Variants in MARCHF1 observed in about 807,000 individuals in gnomAD.
The protein encoded by MARCHF1 is membrane associated ring-CH-type finger 1.
A neutral mutation model predicts 54.2 loss-of-function variants in MARCHF1; 40 were observed. The observed-to-expected ratio is 0.74, with a 90% CI of 0.57 to 0.96. MARCHF1 has a LOEUF of 0.96. Ranked by LOEUF, MARCHF1 falls within the 40% of genes least tolerant of loss-of-function variation. The pLI, the probability that MARCHF1 is intolerant of heterozygous loss-of-function variation, is 0.00. For missense variants in MARCHF1, 586 were observed against 656.5 expected, an observed-to-expected ratio of 0.89 and a Z score of 1.17; for synonymous variants, 236 against 236.3, an observed-to-expected ratio of 1.00 and a Z score of 0.01.
chr4:163,808,476 C>T (rs1748289364), intron 4 of MARCHF1, among the ~76,000 whole-genome samples: 1 of 152,098 alleles, frequency 6.6e-6, no homozygotes, highest in Non-Finnish European at 1.5e-5. Flanking sequence ...TTTTTAGAGT[C>T]AGAAAAAGCA....
intron 1 of MARCHF1, among the ~76,000 whole-genome samples, chr4:164,245,227 G>T (rs1463925524): frequency 6.6e-6 from 1 of 152,116 alleles, no homozygotes; most frequent in Non-Finnish European, 1.5e-5. Flanking sequence ...CTGGCAAAAT[G>T]AATCCAGCAG....
At chr4:164,080,244 A>G (rs1755067411) in intron 2 of MARCHF1, among the ~76,000 whole-genome samples, 1 of 152,238 alleles carries the variant, frequency 6.6e-6, no homozygotes, top group Admixed American at 6.5e-5. Context: ...TAGCTAACCT[A>G]TGAATTGACT....
chr4:164,156,928 A>G (rs1437538413), intron 1 of MARCHF1, among the ~76,000 whole-genome samples: 1 of 152,182 alleles, frequency 6.6e-6, no homozygotes, highest in African/African-American at 2.4e-5. Flanking sequence ...TTCAAATGAA[A>G]TAATTGAGAT....
intron 4 of MARCHF1, among the ~76,000 whole-genome samples, chr4:163,729,813 T>C (rs574756830): frequency 3.2e-4 from 49 of 152,260 alleles, no homozygotes; most frequent in African/African-American, 1.2e-3. Flanking sequence ...GAGGATTCCT[T>C]ACATGTGAGA....
At chr4:163,829,054 G>A (rs1391907907) in intron 4 of MARCHF1, 1 of 152,192 alleles carries the variant, frequency 6.6e-6, no homozygotes, top group African/African-American at 2.4e-5. Context: ...CTGAGCATCT[G>A]AACCAACCCT....
At chr4:163,632,010 G>A (rs1162849378) in intron 5 of MARCHF1, among the ~76,000 whole-genome samples, 2 of 152,090 alleles carry the variant, frequency 1.3e-5, no homozygotes, top group Admixed American at 1.3e-4. Context: ...CTAATAATGA[G>A]GGAAATGCAA....
At chr4:164,043,302 T>A (rs1238574307) in intron 2 of MARCHF1, among the ~76,000 whole-genome samples, 1 of 152,154 alleles carries the variant, frequency 6.6e-6, no homozygotes, top group Non-Finnish European at 1.5e-5. Flanking sequence ...TCCTCTGAAA[T>A]CTAAGTGGAG....
At chr4:163,914,888 A>G (rs1489144971) in intron 3 of MARCHF1, among the ~76,000 whole-genome samples, 4 of 152,140 alleles carry the variant, frequency 2.6e-5, no homozygotes, top group Non-Finnish European at 5.9e-5. Flanking sequence ...CTATTATTGC[A>G]TAATAACCAT....
chr4:163,847,521 TC>T (rs1195750090), intron 4 of MARCHF1, among the ~76,000 whole-genome samples: 70 of 149,338 alleles, frequency 4.7e-4, no homozygotes, highest in African/African-American at 1.6e-3. Flanking sequence ...CCTTTTTTTT[TC>T]ATTTGATCTT....
chr4:164,332,490 A>G (rs1237597374), intron 1 of MARCHF1, among the ~76,000 whole-genome samples: 1 of 152,226 alleles, frequency 6.6e-6, no homozygotes, highest in Non-Finnish European at 1.5e-5. Context: ...ATGGTGTGAT[A>G]GCAGGCAGTA....
intron 3 of MARCHF1, among the ~76,000 whole-genome samples, chr4:163,858,448 C>T (rs1256869564): frequency 6.6e-6 from 1 of 152,010 alleles, no homozygotes; most frequent in Non-Finnish European, 1.5e-5. Flanking sequence ...CTCTCTTTAC[C>T]ACATGCATAG....
At chr4:163,544,156 CAA>C (rs1226032110) in intron 9 of MARCHF1, among the ~76,000 whole-genome samples, 1 of 152,094 alleles carries the variant, frequency 6.6e-6, no homozygotes, top group Admixed American at 6.5e-5. Flanking sequence ...GTACCTATAT[CAA>C]GAGAGGACAT....
chr4:163,922,335 C>A (rs1751449554), intron 3 of MARCHF1, among the ~76,000 whole-genome samples: 2 of 152,032 alleles, frequency 1.3e-5, no homozygotes, highest in Non-Finnish European at 2.9e-5. Context: ...GCACGTTGTG[C>A]ACATGTACCC....
At chr4:163,607,365 T>C (rs1511778) in intron 7 of MARCHF1, among the ~76,000 whole-genome samples, 1 of 151,902 alleles carries the variant, frequency 6.6e-6, no homozygotes, top group African/African-American at 2.4e-5. Flanking sequence ...GAAAGAAATG[T>C]CAGTACTTTG....
chr4:164,276,685 GT>G (rs1286311242), intron 1 of MARCHF1, among the ~76,000 whole-genome samples: 2 of 150,616 alleles, frequency 1.3e-5, no homozygotes, highest in African/African-American at 4.9e-5. Flanking sequence ...TACAATTATG[GT>G]TTTTCAAATG....
intron 5 of MARCHF1, among the ~76,000 whole-genome samples, chr4:163,686,933 A>G (rs1355450859): frequency 6.6e-6 from 1 of 152,170 alleles, no homozygotes; most frequent in Non-Finnish European, 1.5e-5. Flanking sequence ...TGCAAAACAA[A>G]TATCTTCTAT....
intron 5 of MARCHF1, among the ~76,000 whole-genome samples, chr4:163,663,695 C>T (rs1194966020): frequency 6.6e-6 from 1 of 152,092 alleles, no homozygotes; most frequent in Non-Finnish European, 1.5e-5. Flanking sequence ...CTCTCTCCAA[C>T]ATGCTGTGTC....
At chr4:163,912,470 T>C (rs1302187351) in intron 3 of MARCHF1, among the ~76,000 whole-genome samples, 1 of 152,178 alleles carries the variant, frequency 6.6e-6, no homozygotes, top group Non-Finnish European at 1.5e-5. Flanking sequence ...CACTTGAGAT[T>C]GCCTTTAAAA....
At chr4:163,779,872 T>C (rs1216286275) in intron 4 of MARCHF1, among the ~76,000 whole-genome samples, 1 of 152,036 alleles carries the variant, frequency 6.6e-6, no homozygotes, top group Non-Finnish European at 1.5e-5. Flanking sequence ...GGGCAAAACC[T>C]CTGATTGAGA....
Sources: allele counts gnomAD v4.1 joint callset (sites outside exome capture counted in the v4.1 genomes callset), GRCh38; gene constraint gnomAD v4.1.1; transcripts MANE v1.5; gene names NCBI Gene and HGNC (gene_info 2026-07-23, HGNC 2026-07-21).